FAR2: variants seen among roughly 807,000 people sequenced by gnomAD.
FAR2 encodes the protein epididymis secretory protein Li 81.
FAR2 carries 19 observed loss-of-function variants against 56.0 expected under a neutral mutation model. That is an observed-to-expected ratio of 0.34 (90% CI 0.24 to 0.50). The LOEUF is 0.50. FAR2 is among the 20% of genes least tolerant of loss of function. The pLI is 0.98. For synonymous variants in FAR2, 219 were observed against 218.8 expected (o/e 1.00, Z -0.01); for missense variants, 508 against 642.2 (o/e 0.79, Z 2.26).
At chr12:29,191,576 G>C (rs1950103338) in intron 1 of FAR2, among the ~76,000 whole-genome samples, 1 of 152,230 alleles carries the variant, frequency 6.6e-6, no homozygotes, top group Non-Finnish European at 1.5e-5. Flanking sequence ...GCCAAAACTT[G>C]TACTTGACAG....
chr12:29,266,306 A>G (rs1948515585), intron 1 of FAR2, among the ~76,000 whole-genome samples: 1 of 152,218 alleles, frequency 6.6e-6, no homozygotes, highest in South Asian at 2.1e-4. Flanking sequence ...GTAAATATAC[A>G]CAATGGAGTA....
At chr12:29,319,469 C>T (rs1408513918) in intron 9 of FAR2, among the ~76,000 whole-genome samples, 1 of 152,142 alleles carries the variant, frequency 6.6e-6, no homozygotes, top group Admixed American at 6.5e-5. Flanking sequence ...GTTTTCCCCT[C>T]TGTGTGCTGC....
At chr12:29,333,497 G>A in intron 11 of FAR2, 135 bp from the exon 12 acceptor site, 1 of 762,184 alleles carries the variant, frequency 1.3e-6, no homozygotes, top group Non-Finnish European at 2.1e-6. Context: ...AAACCAATTG[G>A]CCAAGTTATA....
intron 1 of FAR2, among the ~76,000 whole-genome samples, chr12:29,258,694 A>C (rs1948368501): frequency 6.6e-6 from 1 of 152,230 alleles, no homozygotes; most frequent in African/African-American, 2.4e-5. Context: ...AATTGACTTG[A>C]TTATGTATAG....
At chr12:29,286,472 G>GT (rs1056016690) in intron 2 of FAR2, among the ~76,000 whole-genome samples, 43 of 152,186 alleles carry the variant, frequency 2.8e-4, no homozygotes, top group African/African-American at 9.9e-4. Context: ...TAATATCAGT[G>GT]TTTTTTCCAT....
chr12:29,200,186 T>C (rs1947388632), intron 1 of FAR2, among the ~76,000 whole-genome samples: 1 of 152,192 alleles, frequency 6.6e-6, no homozygotes, highest in Non-Finnish European at 1.5e-5. Context: ...GAAAGCACCT[T>C]TATTGCTATC....
intron 3 of FAR2, among the ~76,000 whole-genome samples, chr12:29,295,596 AAT>A (rs34069202): frequency 4.0e-5 from 6 of 151,812 alleles, no homozygotes; most frequent in South Asian, 4.2e-4. Context: ...ATCCAAGAAC[AAT>A]ATGTTTTCCC....
intron 1 of FAR2, among the ~76,000 whole-genome samples, chr12:29,218,802 T>C (rs1472889834): frequency 6.6e-6 from 1 of 152,154 alleles, no homozygotes; most frequent in Non-Finnish European, 1.5e-5. Context: ...AACGGCAAAC[T>C]TCTCAGAAAC....
chr12:29,185,432 AAT>A (rs546453684), intron 1 of FAR2, among the ~76,000 whole-genome samples: 65 of 152,388 alleles, frequency 4.3e-4, no homozygotes, highest in Middle Eastern at 3.4e-3. Context: ...AAATGAATAA[AAT>A]AAAAAGCAGG....
At chr12:29,210,162 T>A (rs1397758328) in intron 1 of FAR2, among the ~76,000 whole-genome samples, 5 of 152,152 alleles carry the variant, frequency 3.3e-5, no homozygotes. Context: ...GCTAGGATCA[T>A]GCCACTGCAC....
intron 11 of FAR2, chr12:29,333,040 A>T (rs1949754749): frequency 2.5e-6 from 1 of 403,192 alleles, no homozygotes; most frequent in Non-Finnish European, 4.7e-6. Context: ...TTCTTCTACC[A>T]CACTCTGTCA....
intron 2 of FAR2, among the ~76,000 whole-genome samples, chr12:29,283,186 T>A (rs1021995471): frequency 7.2e-5 from 11 of 152,206 alleles, no homozygotes; most frequent in Admixed American, 2.0e-4. Flanking sequence ...TCATGTTTTA[T>A]AAAATAGTAA....
At chr12:29,332,814 G>C (rs1307945079) in intron 11 of FAR2, 87 bp downstream of exon 11, 1 of 1,304,266 alleles carries the variant, frequency 7.7e-7, no homozygotes, top group Non-Finnish European at 1.1e-6. Context: ...AGAGGAGAAT[G>C]AACATTTCTT....
chr12:29,195,033 G>A (rs1950134000), intron 1 of FAR2, among the ~76,000 whole-genome samples: 1 of 152,170 alleles, frequency 6.6e-6, no homozygotes, highest in Non-Finnish European at 1.5e-5. Context: ...TTGGATTCCA[G>A]CATATGAGGC....
At chr12:29,183,688 T>C (rs900621329) in intron 1 of FAR2, among the ~76,000 whole-genome samples, 6 of 152,238 alleles carry the variant, frequency 3.9e-5, no homozygotes, top group Admixed American at 6.5e-5. Flanking sequence ...ATGGCTATAG[T>C]GTTTTGTAGT....
Position 29,303,940 on chromosome 12 carries a change from T to C in FAR2, c.546-3718T>C, listed in dbSNP as rs559683944. Among the ~76,000 whole-genome samples the C allele has an allele frequency of 9.2e-5, 14 of 152,314 alleles. No individual in the cohort carries two copies. The South Asian group carries it at 2.3e-3, about 25-fold the overall frequency. ...GGCAGGGTATTCAGCATCTGGCTCA[T>C]GTTTGAGCCTGGCTAGGTGCTCCGT... On this transcript the variant is annotated intron_variant, in intron 4 of 11. Coordinates refer to ENST00000536681, the MANE Select transcript of FAR2 (RefSeq NM_001271783.2).
At chr12:29,311,231 A>G in intron 7 of FAR2, 85 bp downstream of exon 7, 2 of 899,874 alleles carry the variant, frequency 2.2e-6, no homozygotes, top group South Asian at 2.8e-5. Context: ...TAGGCATTTC[A>G]TTGTACAAGA....
chr12:29,279,908 GT>G (rs1948760819), intron 2 of FAR2, among the ~76,000 whole-genome samples: 1 of 149,454 alleles, frequency 6.7e-6, no homozygotes, highest in African/African-American at 2.5e-5. Context: ...ATAAAATAAT[GT>G]TTTATATTGT....
At chr12:29,157,356 A>G (rs1763313136) in intron 1 of FAR2, among the ~76,000 whole-genome samples, 1 of 151,986 alleles carries the variant, frequency 6.6e-6, no homozygotes, top group African/African-American at 2.4e-5. Context: ...AGTTGATAAT[A>G]TGTATCCCCT....
Sources: gnomAD v4.1 joint callset for allele counts (sites outside exome capture counted in the v4.1 genomes callset) on GRCh38, gnomAD v4.1.1 for gene constraint, MANE v1.5 for transcripts, NCBI Gene and HGNC (gene_info 2026-07-23, HGNC 2026-07-21) for gene names.